Variants in RAD17 observed in about 807,000 individuals in gnomAD.
The protein encoded by RAD17 is RAD17 checkpoint clamp loader component.
Under a neutral mutation model 81.5 loss-of-function variants are expected in RAD17, and 31 were observed. The ratio of observed to expected loss-of-function variants is 0.38; its 90% CI spans 0.29 to 0.51. RAD17 has a LOEUF of 0.51. Among genes scored for constraint, RAD17 ranks in the 20% least tolerant of loss-of-function variants. The pLI is 0.88. For missense variants in RAD17, 681 were observed against 781.2 expected (o/e 0.87, Z 1.53); for synonymous variants, 261 against 266.2 (o/e 0.98, Z 0.19).
Position 69,382,117 on chromosome 5 carries a change from T to C in RAD17, c.508+60T>C, listed in dbSNP as rs1176695149. ...GGCAAACCTGTGCTTAAGGGAGCTTTCAGATAAAGTTCTATGAGTGCATTT... is the reference window on the plus strand; with the variant it reads ...GGCAAACCTGTGCTTAAGGGAGCTTCCAGATAAAGTTCTATGAGTGCATTT... On this transcript the variant is annotated intron_variant, in intron 7 of 18. Coordinates refer to ENST00000354868, the MANE Select transcript of RAD17 (RefSeq NM_133338.3). 12 of 1,530,636 alleles carry C rather than the reference T, an allele frequency of 7.8e-6. No individual in the cohort carries two copies. In the African/African-American group the frequency reaches 1.5e-4, roughly 20 times the overall value. The allele number at this position is 1,530,636 out of a possible 1,614,324, so 94.8% of individuals were successfully genotyped here. A position where few individuals can be genotyped will look rare whatever the true frequency, so the allele number is the denominator to read the frequency against.
At chr5:69,379,236 CA>C (rs906816021) in intron 6 of RAD17, among the ~76,000 whole-genome samples, 107 of 144,774 alleles carry the variant, frequency 7.4e-4, no homozygotes, top group Non-Finnish European at 1.0e-3. Flanking sequence ...GACTTTGTCT[CA>C]AAAAAAAAAT....
At chr5:69,404,291 A>G (rs1399440219) in intron 17 of RAD17, among the ~76,000 whole-genome samples, 1 of 152,240 alleles carries the variant, frequency 6.6e-6, no homozygotes, top group Non-Finnish European at 1.5e-5. Flanking sequence ...CAGCAAAGGA[A>G]ACAACAGAAT....
intron 12 of RAD17, among the ~76,000 whole-genome samples, chr5:69,390,172 G>A (rs1764461937): frequency 6.6e-6 from 1 of 152,142 alleles, no homozygotes; most frequent in Admixed American, 6.5e-5. Context: ...GCTTAACGTT[G>A]ATAATTGACA....
intron 6 of RAD17, among the ~76,000 whole-genome samples, chr5:69,377,639 A>C (rs1165155044): frequency 1.7e-4 from 1 of 6,040 alleles, no homozygotes; most frequent in African/African-American, 3.9e-4. Context: ...ATATGTATAC[A>C]TATATATATG....
At position 69,379,961 on chromosome 5, in the gene RAD17, A is replaced by G. The variant is rs574625048; in HGVS notation, c.352-1940A>G. Among the ~76,000 whole-genome samples the G allele has an allele frequency of 2.0e-5, 3 of 151,844 alleles. No individual in the cohort carries two copies. The South Asian group carries it at 6.2e-4, about 32-fold the overall frequency. ...AGTGGTGCAATTTTGGCTCACTGCA[A>G]CCTCTGCCTCCCGGGTTCAAGCGAT... is the stretch of plus-strand genomic sequence containing the variant. On this transcript the variant is annotated intron_variant, in intron 6 of 18. Transcript: ENST00000354868.
chr5:69,373,711 T>TAGTTTTAAAGGTTATAAATATATGAA, intron 4 of RAD17, 119 bp from the exon 5 acceptor site: 3 of 435,610 alleles, frequency 6.9e-6, no homozygotes, highest in East Asian at 7.5e-5. Context: ...TTTTTTTTTT[T>TAGTTTTAAAGGTTATAAATATATGAA]TTTTTAAGTT....
At chr5:69,392,794 T>G (rs990884517) in intron 13 of RAD17, 3 of 457,560 alleles carry the variant, frequency 6.6e-6, no homozygotes, top group Non-Finnish European at 1.3e-5. Flanking sequence ...TATTCTTTCA[T>G]GTAGAGAGCA....
chr5:69,399,635 CTG>C (rs1214713878), intron 16 of RAD17, among the ~76,000 whole-genome samples: 1 of 152,178 alleles, frequency 6.6e-6, no homozygotes, highest in African/African-American at 2.4e-5. Context: ...TTATCTAAGA[CTG>C]TTAGCTTCTT....
chr5:69,380,674 T>G (rs1023391707), intron 6 of RAD17, among the ~76,000 whole-genome samples: 3 of 152,162 alleles, frequency 2.0e-5, no homozygotes, highest in African/African-American at 7.2e-5. Flanking sequence ...TTTTTTTTTT[T>G]TAATCAAATT....
At chr5:69,404,468 C>T (rs1188302550) in intron 17 of RAD17, among the ~76,000 whole-genome samples, 1 of 150,090 alleles carries the variant, frequency 6.7e-6, no homozygotes, top group Non-Finnish European at 1.5e-5. Context: ...CCTGTCTCTA[C>T]AAAAAATAGA....
At chr5:69,399,618 A>G (rs1420937907) in intron 16 of RAD17, among the ~76,000 whole-genome samples, 1 of 152,162 alleles carries the variant, frequency 6.6e-6, no homozygotes, top group East Asian at 1.9e-4. Flanking sequence ...TTGTTGCTGC[A>G]TATAAATTAT....
chr5:69,382,370 A>G (rs1316426867), intron 7 of RAD17, among the ~76,000 whole-genome samples: 1 of 152,172 alleles, frequency 6.6e-6, no homozygotes, highest in African/African-American at 2.4e-5. Context: ...ACTTGAGCCC[A>G]TGAGTTCAAG....
chr5:69,377,460 TATATATATATATATAC>T (rs1445515531), intron 6 of RAD17, among the ~76,000 whole-genome samples: 1 of 5,120 alleles, frequency 2.0e-4, no homozygotes, highest in Non-Finnish European at 2.1e-3. Flanking sequence ...TATATATATA[TATATATATATATATAC>T]ACACACACAC....
chr5:69,386,477 A>G lies in RAD17; in HGVS notation c.894+12A>G, dbSNP rs770119933. The G allele has an allele frequency of 3.2e-6, 5 of 1,570,930 alleles. No homozygotes were observed. Among genetic ancestry groups the G allele is most frequent in the Non-Finnish European group, 4.3e-6 (5 of 1,163,450 alleles). On this transcript the variant is annotated intron_variant, in intron 11 of 18. Transcript: ENST00000354868. ...TAGAAGCTAACAAGGTAAGTCTCTG[A>G]TTAATTAAACCTTACTCGATAACTA...
intron 8 of RAD17, 67 bp downstream of exon 8, chr5:69,385,000 C>T: frequency 2.2e-6 from 3 of 1,358,282 alleles, no homozygotes; most frequent in Non-Finnish European, 2.9e-6. Context: ...GTCACTGTCA[C>T]CCAGGCTGGA....
At chr5:69,378,541 A>C (rs1763649957) in intron 6 of RAD17, among the ~76,000 whole-genome samples, 1 of 152,202 alleles carries the variant, frequency 6.6e-6, no homozygotes. Flanking sequence ...CTCATTATTC[A>C]AGGTAGTTAT....
chr5:69,379,758 A>C (rs569715672), intron 6 of RAD17, among the ~76,000 whole-genome samples: 1 of 152,256 alleles, frequency 6.6e-6, no homozygotes, highest in East Asian at 1.9e-4. Flanking sequence ...TTCCACCTCT[A>C]TGTCTTGTCC....
rs775063179 is a variant in RAD17, at chr5:69,400,187, T to C, written c.1693+18T>C. On this transcript the variant is annotated intron_variant, in intron 17 of 18. Transcript: ENST00000354868. ...AAATCAAGGTAATAACATAGGTTTT[T>C]CTTTTCTTTTAAGAAGTAGGGTTTA... 5 of 1,457,772 alleles carry C rather than the reference T, an allele frequency of 3.4e-6. No homozygotes were observed. Among genetic ancestry groups the C allele is most frequent in the Non-Finnish European group, 4.5e-6 (5 of 1,105,408 alleles). 90.3% of individuals were successfully genotyped at this position (1,457,772 alleles called of 1,614,324 possible). A position where few individuals can be genotyped will look rare whatever the true frequency, so the allele number is the denominator to read the frequency against.
In RAD17 at chr5:69,369,822, C is replaced by A; in HGVS notation, c.-528C>A. On this transcript the variant is annotated 5_prime_UTR_variant, in exon 1 of 19. Transcript: ENST00000354868. ...CTGGAAGGTCCCCGGGAGGCCGTAC[C>A]TCCGAGAGGCTCGGCGTTGAGCCCG... is the stretch of plus-strand genomic sequence containing the variant. 1 of 1,022,268 alleles carries A rather than the reference C, an allele frequency of 9.8e-7. No individual in the cohort carries two copies. The highest frequency in any genetic ancestry group is 1.4e-6 in the Non-Finnish European group (1 of 695,604). 63.3% of individuals were successfully genotyped at this position (1,022,268 alleles called of 1,614,324 possible).
Sources: allele counts gnomAD v4.1 joint callset (sites outside exome capture counted in the v4.1 genomes callset), GRCh38; gene constraint gnomAD v4.1.1; transcripts MANE v1.5; gene names NCBI Gene and HGNC (gene_info 2026-07-23, HGNC 2026-07-21).